ZNF385B: variants seen among roughly 807,000 people sequenced by gnomAD.
The protein encoded by ZNF385B is zinc finger protein 385B.
Under a neutral mutation model 39.2 loss-of-function variants are expected in ZNF385B, and 23 were observed. That is an observed-to-expected ratio of 0.59 (90% CI 0.42 to 0.83). The LOEUF (loss-of-function observed/expected upper bound fraction) is 0.83. Ranked by LOEUF, ZNF385B falls within the 40% of genes least tolerant of loss-of-function variation. The pLI, the probability that ZNF385B is intolerant of heterozygous loss-of-function variation, is 0.00. For missense variants in ZNF385B, 552 were observed against 598.9 expected, an observed-to-expected ratio of 0.92 and a Z score of 0.82; for synonymous variants, 205 against 222.6, an observed-to-expected ratio of 0.92 and a Z score of 0.70.
At chr2:179,481,284 T>C (rs1176882865) in intron 6 of ZNF385B, 3 of 152,150 alleles carry the variant, frequency 2.0e-5, no homozygotes, top group Non-Finnish European at 4.4e-5. Context: ...AAATTGGTCA[T>C]CTCATAGGTA....
At chr2:179,457,034 C>T (rs2050781521) in intron 6 of ZNF385B, among the ~76,000 whole-genome samples, 1 of 152,064 alleles carries the variant, frequency 6.6e-6, no homozygotes, top group Admixed American at 6.5e-5. Context: ...TAGAAGCTCC[C>T]TTGAACCCCT....
intron 3 of ZNF385B, among the ~76,000 whole-genome samples, chr2:179,718,160 A>G (rs940061969): frequency 6.6e-6 from 1 of 152,010 alleles, no homozygotes. Context: ...AAGCATCAGT[A>G]TTTCTTAAGA....
chr2:179,682,441 T>A (rs1275148092), intron 3 of ZNF385B, among the ~76,000 whole-genome samples: 1 of 152,266 alleles, frequency 6.6e-6, no homozygotes, highest in African/African-American at 2.4e-5. Flanking sequence ...CTTTTATGCC[T>A]TCTTTCTGTT....
chr2:179,665,617 T>C (rs1695045242), intron 3 of ZNF385B, among the ~76,000 whole-genome samples: 1 of 152,206 alleles, frequency 6.6e-6, no homozygotes, highest in Non-Finnish European at 1.5e-5. Flanking sequence ...TCAACATGGT[T>C]CGAACTAGTC....
rs181939503 is a variant in ZNF385B, at chr2:179,505,208, T to C, written c.552+13320A>G. Among the ~76,000 whole-genome samples the C allele has an allele frequency of 5.2e-3, 791 of 152,110 alleles. 12 individuals carry two copies. The highest frequency in any genetic ancestry group is 0.018 in the African/African-American group (752 of 41,444). Reference sequence around the variant, plus strand: ...TATACATTCGTCAAACTCATATTCATGAATCTCACAAACTTTTGTATACTG... The same window carrying C: ...TATACATTCGTCAAACTCATATTCACGAATCTCACAAACTTTTGTATACTG... On this transcript the variant is annotated intron_variant, in intron 5 of 9. Transcript: ENST00000410066.
chr2:179,565,967 A>G (rs1364210709), intron 3 of ZNF385B, among the ~76,000 whole-genome samples: 2 of 152,184 alleles, frequency 1.3e-5, no homozygotes, highest in African/African-American at 4.8e-5. Flanking sequence ...TCTTCCCCAA[A>G]GAGCTCTAAG....
At chr2:179,558,053 T>C (rs1026093008) in intron 3 of ZNF385B, among the ~76,000 whole-genome samples, 3 of 152,192 alleles carry the variant, frequency 2.0e-5, no homozygotes, top group African/African-American at 7.2e-5. Context: ...ATTTGTGTTG[T>C]TGGTTTTTAT....
At chr2:179,766,067 G>A (rs1485710855) in intron 3 of ZNF385B, among the ~76,000 whole-genome samples, 67 of 53,956 alleles carry the variant, frequency 1.2e-3, no homozygotes, top group East Asian at 3.7e-3. Flanking sequence ...CACACACACA[G>A]CAGACTGGTT....
intron 3 of ZNF385B, among the ~76,000 whole-genome samples, chr2:179,674,894 T>C (rs907460165): frequency 6.6e-6 from 1 of 152,150 alleles, no homozygotes; most frequent in Admixed American, 6.6e-5. Flanking sequence ...ACAATCCTCA[T>C]AGTTCCCTAA....
chr2:179,858,923 A>G lies in ZNF385B; in HGVS notation c.-155+2178T>C, dbSNP rs575210004. Among the ~76,000 whole-genome samples, 14 of 152,324 alleles carry G rather than the reference A, an allele frequency of 9.2e-5. No individual in the cohort carries two copies. In the South Asian group the frequency reaches 2.9e-3, roughly 32 times the overall value. ...ATATCTTCAAATTCAGCTTGGAAAA[A>G]AAGTCTAAGGGCAGGGGAGGCGGGG... On this transcript the variant is annotated intron_variant, in intron 1 of 9. Coordinates refer to ENST00000410066, the MANE Select transcript of ZNF385B (RefSeq NM_152520.6).
chr2:179,622,179 G>T (rs1690274898), intron 3 of ZNF385B, among the ~76,000 whole-genome samples: 1 of 152,032 alleles, frequency 6.6e-6, no homozygotes, highest in African/African-American at 2.4e-5. Flanking sequence ...AATTAGTAAG[G>T]CTCAAAGGCC....
At position 179,451,106 on chromosome 2, in the gene ZNF385B, G is replaced by A. The variant is rs185039824; in HGVS notation, c.716-4336C>T. 2.1e-4 allele frequency among the ~76,000 whole-genome samples: 25 copies of A among 119,670 alleles called. 1 individual carries two copies. The highest frequency in any genetic ancestry group is 7.1e-4 in the South Asian group (2 of 2,818). 78.5% of individuals were successfully genotyped at this position (119,670 alleles called of 152,430 possible). On this transcript the variant is annotated intron_variant, in intron 6 of 9. Coordinates refer to ENST00000410066, the MANE Select transcript of ZNF385B (RefSeq NM_152520.6). ...CACACACTGGGGACTGTTGTGAGGT[G>A]GGGGGAGGGGGGAGGGATAGCATTA...
intron 3 of ZNF385B, among the ~76,000 whole-genome samples, chr2:179,747,348 C>G (rs146598951): frequency 6.6e-6 from 1 of 152,124 alleles, no homozygotes; most frequent in Non-Finnish European, 1.5e-5. Context: ...TATGCACATG[C>G]GTGTGCGTAT....
At chr2:179,444,781 C>A (rs1001772364) in intron 9 of ZNF385B, 95 bp downstream of exon 9, 3 of 1,044,128 alleles carry the variant, frequency 2.9e-6, no homozygotes, top group Admixed American at 3.6e-5. Context: ...TGAAACCTTT[C>A]ATGACATTAG....
intron 3 of ZNF385B, among the ~76,000 whole-genome samples, chr2:179,598,919 G>A (rs1688203961): frequency 6.6e-6 from 1 of 152,064 alleles, no homozygotes; most frequent in Non-Finnish European, 1.5e-5. Flanking sequence ...ATAAATTAGT[G>A]GGACACCTTG....
At chr2:179,620,860 A>G (rs955069804) in intron 3 of ZNF385B, among the ~76,000 whole-genome samples, 19 of 152,172 alleles carry the variant, frequency 1.2e-4, no homozygotes, top group Non-Finnish European at 2.2e-4. Context: ...GTACTTTTTT[A>G]AAAAGCATCT....
chr2:179,614,609 A>G (rs955591763), intron 3 of ZNF385B, among the ~76,000 whole-genome samples: 1 of 152,222 alleles, frequency 6.6e-6, no homozygotes, highest in Non-Finnish European at 1.5e-5. Flanking sequence ...ATAAAATGGT[A>G]GAGTTACATT....
chr2:179,562,116 G>C (rs2061372098), intron 3 of ZNF385B, among the ~76,000 whole-genome samples: 1 of 152,162 alleles, frequency 6.6e-6, no homozygotes, highest in Non-Finnish European at 1.5e-5. Context: ...AACTCTGAAA[G>C]AAAGGGGAAC....
chr2:179,487,835 T>C (rs2054758365), intron 5 of ZNF385B, among the ~76,000 whole-genome samples: 1 of 152,180 alleles, frequency 6.6e-6, no homozygotes, highest in Non-Finnish European at 1.5e-5. Context: ...ACCACTACAC[T>C]GACCTTCACA....
Sources: allele counts gnomAD v4.1 joint callset (sites outside exome capture counted in the v4.1 genomes callset), GRCh38; gene constraint gnomAD v4.1.1; transcripts MANE v1.5; gene names NCBI Gene and HGNC (gene_info 2026-07-23, HGNC 2026-07-21).